STPG2: variants seen among roughly 807,000 people sequenced by gnomAD.
STPG2 encodes sperm-tail PG-rich repeat-containing protein 2.
Under a neutral mutation model 54.2 loss-of-function variants are expected in STPG2, and 56 were observed. The observed-to-expected ratio is 1.03, with a 90% CI of 0.83 to 1.29. The LOEUF (loss-of-function observed/expected upper bound fraction) is 1.29, where lower values mean the gene tolerates loss of function less well. STPG2 is among the 50% of genes most tolerant of loss of function. The probability of loss-of-function intolerance (pLI) is 0.00; values close to 1 mark genes in which losing one functional copy is unlikely to be tolerated. For synonymous variants in STPG2, 200 were observed against 181.8 expected (o/e 1.10, Z -0.81); for missense variants, 596 against 544.9 (o/e 1.09, Z -0.93).
chr4:97,503,561 C>T (rs903547563), intron 4 of STPG2, among the ~76,000 whole-genome samples: 1 of 151,318 alleles, frequency 6.6e-6, no homozygotes, highest in Non-Finnish European at 1.5e-5. Context: ...GCTGGGATTA[C>T]AGGCATGAGC....
chr4:97,600,521 G>T (rs1246582039), intron 10 of STPG2, among the ~76,000 whole-genome samples: 1 of 152,068 alleles, frequency 6.6e-6, no homozygotes, highest in Non-Finnish European at 1.5e-5. Context: ...ATTGGCGAGG[G>T]CTCATAATGG....
At chr4:97,694,033 A>C (rs1220688984) in intron 10 of STPG2, among the ~76,000 whole-genome samples, 1 of 152,176 alleles carries the variant, frequency 6.6e-6, no homozygotes, top group Admixed American at 6.5e-5. Context: ...AAGAAAGTTC[A>C]TAGCATCAAA....
intron 9 of STPG2, among the ~76,000 whole-genome samples, chr4:97,789,023 T>G (rs1726913228): frequency 6.6e-6 from 1 of 152,108 alleles, no homozygotes; most frequent in Non-Finnish European, 1.5e-5. Context: ...TCTTTTCTAA[T>G]ACAAATGTTA....
intron 5 of STPG2, among the ~76,000 whole-genome samples, chr4:98,050,866 G>T (rs1737296929): frequency 6.6e-6 from 1 of 151,928 alleles, no homozygotes; most frequent in Admixed American, 6.5e-5. Context: ...TTAGCCGGGC[G>T]TGGTGTCGGA....
At chr4:97,947,995 G>T (rs1480460000) in intron 7 of STPG2, among the ~76,000 whole-genome samples, 1 of 151,900 alleles carries the variant, frequency 6.6e-6, no homozygotes, top group Non-Finnish European at 1.5e-5. Flanking sequence ...CCAATTCTTT[G>T]AATGCCTGGT....
At chr4:97,990,709 C>T (rs1734974131) in intron 5 of STPG2, among the ~76,000 whole-genome samples, 2 of 152,062 alleles carry the variant, frequency 1.3e-5, no homozygotes, top group African/African-American at 4.8e-5. Context: ...AAGTATACTG[C>T]CGTGGAAACA....
At position 97,711,180 on chromosome 4, in the gene STPG2, GTT is replaced by G. The variant is rs143277816; in HGVS notation, c.1320+1517_1320+1518del. ...TTATTTGTGGATACCATTAAAATGA[GTT>G]TTTTAAAGGAGAGAAATTGCTCAAC... On this transcript the variant is annotated intron_variant, in intron 10 of 10. Transcript: ENST00000295268. Among the ~76,000 whole-genome samples the G allele has an allele frequency of 7.8e-3, 1,183 of 152,172 alleles. 14 individuals are homozygous for G. Among genetic ancestry groups the G allele is most frequent in the African/African-American group, 0.027 (1,122 of 41,534 alleles).
At chr4:97,472,241 T>C (rs1208408792) in intron 4 of STPG2, among the ~76,000 whole-genome samples, 1 of 152,214 alleles carries the variant, frequency 6.6e-6, no homozygotes, top group African/African-American at 2.4e-5. Flanking sequence ...ACCAGTGTTA[T>C]GGTAGGAAAA....
intron 8 of STPG2, among the ~76,000 whole-genome samples, chr4:97,908,167 T>C (rs1032627472): frequency 2.0e-5 from 3 of 151,470 alleles, no homozygotes; most frequent in Admixed American, 1.3e-4. Context: ...CAAACAAATT[T>C]ACAAGAAAAA....
intron 9 of STPG2, among the ~76,000 whole-genome samples, chr4:97,797,032 G>A (rs1212147600): frequency 6.6e-6 from 1 of 152,118 alleles, no homozygotes; most frequent in Non-Finnish European, 1.5e-5. Context: ...TTTGCACATT[G>A]ATTTTGTATC....
intron 7 of STPG2, among the ~76,000 whole-genome samples, chr4:97,961,390 G>A (rs2149248231): frequency 6.6e-6 from 1 of 152,276 alleles, no homozygotes; most frequent in East Asian, 1.9e-4. Flanking sequence ...CTTTTGTATG[G>A]CAAAAGGAAC....
intron 9 of STPG2, among the ~76,000 whole-genome samples, chr4:97,731,367 C>T (rs900993078): frequency 7.2e-5 from 11 of 152,116 alleles, no homozygotes; most frequent in Non-Finnish European, 1.6e-4. Flanking sequence ...GTCATTTAGG[C>T]TACCTCCAGT....
intron 8 of STPG2, among the ~76,000 whole-genome samples, chr4:97,927,129 T>C (rs1215049): frequency 0.42 from 63,398 of 151,930 alleles, 13,799 homozygotes; most frequent in Admixed American, 0.53. Flanking sequence ...TAGCTCGAGA[T>C]GATACACAAA....
intron 8 of STPG2, among the ~76,000 whole-genome samples, chr4:97,888,843 G>A (rs1235975634): frequency 6.6e-6 from 1 of 152,138 alleles, no homozygotes; most frequent in Non-Finnish European, 1.5e-5. Context: ...CTGGTAGGAG[G>A]TGACTGGATC....
intron 10 of STPG2, among the ~76,000 whole-genome samples, chr4:97,665,207 A>G (rs1450520768): frequency 6.6e-6 from 1 of 152,180 alleles, no homozygotes; most frequent in Non-Finnish European, 1.5e-5. Flanking sequence ...CAACATGGCA[A>G]GCAACAGGAG....
intron 9 of STPG2, among the ~76,000 whole-genome samples, chr4:97,789,688 A>T (rs1257241187): frequency 1.3e-5 from 2 of 152,188 alleles, no homozygotes; most frequent in Non-Finnish European, 2.9e-5. Context: ...AGACTGACTG[A>T]ATGAAAACTT....
At chr4:97,742,445 T>C (rs1446530411) in intron 9 of STPG2, among the ~76,000 whole-genome samples, 1 of 151,164 alleles carries the variant, frequency 6.6e-6, no homozygotes, top group Non-Finnish European at 1.5e-5. Flanking sequence ...CACTGCCATG[T>C]TCATTTTGGC....
chr4:97,968,014 C>A (rs1296953606), intron 7 of STPG2, among the ~76,000 whole-genome samples: 1 of 151,846 alleles, frequency 6.6e-6, no homozygotes, highest in African/African-American at 2.4e-5. Context: ...AAGATCAGAG[C>A]AGAACTGAAG....
chr4:97,567,039 AAAAT>A (rs1053382553), intron 10 of STPG2, among the ~76,000 whole-genome samples: 5 of 152,032 alleles, frequency 3.3e-5, no homozygotes, highest in African/African-American at 9.6e-5. Context: ...TAATAATAAT[AAAAT>A]AAATAAATAA....
Sources: gnomAD v4.1 joint callset for allele counts (sites outside exome capture counted in the v4.1 genomes callset) on GRCh38, gnomAD v4.1.1 for gene constraint, MANE v1.5 for transcripts, NCBI Gene and HGNC (gene_info 2026-07-23, HGNC 2026-07-21) for gene names.